The following SEMA3A variants were observed in gnomAD, a reference collection of about 807,000 sequenced individuals.
The protein encoded by SEMA3A is semaphorin 3A, also known as semaphorin-3A.
In SEMA3A, 29 loss-of-function variants were observed where a neutral mutation model predicts 97.9. That is an observed-to-expected ratio of 0.30 (90% CI 0.22 to 0.40). The LOEUF (loss-of-function observed/expected upper bound fraction) is 0.40. Among genes scored for constraint, SEMA3A ranks in the 10% least tolerant of loss-of-function variants. The probability of loss-of-function intolerance (pLI) is 1.00; values close to 1 mark genes in which losing one functional copy is unlikely to be tolerated. For missense variants in SEMA3A, 763 were observed against 951.3 expected (o/e 0.80, Z 2.60); for synonymous variants, 321 against 323.7 (o/e 0.99, Z 0.09).
chr7:84,113,117 A>G (rs1264996307), intron 3 of SEMA3A, among the ~76,000 whole-genome samples: 1 of 152,230 alleles, frequency 6.6e-6, no homozygotes, highest in Admixed American at 6.5e-5. Flanking sequence ...GGCTTAGAGG[A>G]TATAAAGATG....
chr7:84,446,274 T>G (rs1805413392), intron 1 of SEMA3A, among the ~76,000 whole-genome samples: 1 of 152,200 alleles, frequency 6.6e-6, no homozygotes, highest in Admixed American at 6.5e-5. Flanking sequence ...ACCAAATATT[T>G]AAAGAACACA....
chr7:84,424,456 A>C (rs1410843871), intron 1 of SEMA3A, among the ~76,000 whole-genome samples: 2 of 122,344 alleles, frequency 1.6e-5, no homozygotes, highest in East Asian at 4.6e-4. Context: ...TAATATAATA[A>C]TACAATTTAA....
At chr7:84,164,065 G>A (rs1245340565) in intron 1 of SEMA3A, among the ~76,000 whole-genome samples, 4 of 151,886 alleles carry the variant, frequency 2.6e-5, no homozygotes, top group Non-Finnish European at 4.4e-5. Flanking sequence ...GGCTGGTCTC[G>A]AACTCCCGAC....
At chr7:84,277,703 G>T (rs977045564) in intron 3 of SEMA3A, among the ~76,000 whole-genome samples, 5 of 152,010 alleles carry the variant, frequency 3.3e-5, no homozygotes, top group Non-Finnish European at 5.9e-5. Flanking sequence ...CTTCAGGGGG[G>T]GCCTCAGGAA....
chr7:84,393,544 A>G (rs1355678783), intron 1 of SEMA3A, among the ~76,000 whole-genome samples: 1 of 152,176 alleles, frequency 6.6e-6, no homozygotes, highest in Non-Finnish European at 1.5e-5. Context: ...GAACCCATGC[A>G]TCTATGATCA....
chr7:84,209,769 C>T (rs1042501111), intron 3 of SEMA3A, among the ~76,000 whole-genome samples: 6 of 151,952 alleles, frequency 3.9e-5, no homozygotes, highest in East Asian at 3.8e-4. Context: ...ACTATGATAG[C>T]CCCAATAACA....
intron 3 of SEMA3A, among the ~76,000 whole-genome samples, chr7:84,280,646 T>G (rs1800419083): frequency 6.6e-6 from 1 of 151,934 alleles, no homozygotes; most frequent in Admixed American, 6.6e-5. Flanking sequence ...TAGCTGGGCA[T>G]AGTGGTGCAC....
intron 2 of SEMA3A, among the ~76,000 whole-genome samples, chr7:84,331,855 A>G (rs1801918264): frequency 6.6e-6 from 1 of 152,126 alleles, no homozygotes; most frequent in African/African-American, 2.4e-5. Flanking sequence ...GGAAAGTCCA[A>G]TCTGCTGGAG....
At chr7:84,216,258 C>T (rs1798753930) in intron 3 of SEMA3A, among the ~76,000 whole-genome samples, 1 of 152,106 alleles carries the variant, frequency 6.6e-6, no homozygotes, top group Admixed American at 6.6e-5. Flanking sequence ...AGGCGCTCGC[C>T]ACCACACCCG....
chr7:84,270,076 C>T (rs1041855005), intron 3 of SEMA3A, among the ~76,000 whole-genome samples: 1 of 151,986 alleles, frequency 6.6e-6, no homozygotes, highest in Non-Finnish European at 1.5e-5. Flanking sequence ...GATTTGGTAT[C>T]CCCTGAGGTA....
At chr7:84,181,525 T>C (rs936891798) in intron 1 of SEMA3A, among the ~76,000 whole-genome samples, 3 of 152,072 alleles carry the variant, frequency 2.0e-5, no homozygotes, top group African/African-American at 7.2e-5. Flanking sequence ...GCTACTTACA[T>C]TTTAACAATT....
intron 1 of SEMA3A, among the ~76,000 whole-genome samples, chr7:84,180,759 C>T (rs1429142320): frequency 6.6e-6 from 1 of 151,782 alleles, no homozygotes; most frequent in Non-Finnish European, 1.5e-5. Context: ...CCTAAGTAAT[C>T]CAAGCTATAT....
intron 1 of SEMA3A, among the ~76,000 whole-genome samples, chr7:84,168,281 A>G (rs1797277616): frequency 6.6e-6 from 1 of 152,076 alleles, no homozygotes; most frequent in South Asian, 2.1e-4. Flanking sequence ...GCAAAAATCA[A>G]ACTAAATTAA....
At chr7:84,091,343 G>GGGAAGGAA (rs908736677) in intron 4 of SEMA3A, among the ~76,000 whole-genome samples, 6 of 105,100 alleles carry the variant, frequency 5.7e-5, no homozygotes, top group African/African-American at 8.5e-5. Context: ...AGAAAGAGGA[G>GGGAAGGAA]GGAAGGAAGG....
chr7:84,023,291 A>C (rs1198766748), intron 6 of SEMA3A, among the ~76,000 whole-genome samples: 1 of 152,220 alleles, frequency 6.6e-6, no homozygotes, highest in East Asian at 1.9e-4. Flanking sequence ...CTGAATGTCT[A>C]GTACAGCAAC....
intron 3 of SEMA3A, among the ~76,000 whole-genome samples, chr7:84,220,995 G>T (rs1206584187): frequency 2.6e-5 from 4 of 152,098 alleles, no homozygotes; most frequent in Admixed American, 1.3e-4. Flanking sequence ...ATCTTGGATG[G>T]CATCTTCTTC....
chr7:84,066,951 C>T (rs1005049957), intron 4 of SEMA3A, among the ~76,000 whole-genome samples: 1 of 152,088 alleles, frequency 6.6e-6, no homozygotes, highest in Non-Finnish European at 1.5e-5. Context: ...CAAAAAAGAG[C>T]CTGCATCGCC....
intron 4 of SEMA3A, among the ~76,000 whole-genome samples, chr7:84,067,272 C>T (rs2115732160): frequency 6.6e-6 from 1 of 152,150 alleles, no homozygotes; most frequent in East Asian, 1.9e-4. Flanking sequence ...AAAATCAATT[C>T]AAGATGGATT....
At chr7:84,316,615 GAGAA>G (rs1357016805) in intron 2 of SEMA3A, among the ~76,000 whole-genome samples, 3 of 152,080 alleles carry the variant, frequency 2.0e-5, no homozygotes, top group Non-Finnish European at 4.4e-5. Flanking sequence ...GAGATAGAAA[GAGAA>G]AGAGAGATTT....
Sources: gnomAD v4.1 joint callset for allele counts (sites outside exome capture counted in the v4.1 genomes callset) on GRCh38, gnomAD v4.1.1 for gene constraint, MANE v1.5 for transcripts, NCBI Gene and HGNC (gene_info 2026-07-23, HGNC 2026-07-21) for gene names.